The following TP63 variants were observed in gnomAD, a reference collection of about 807,000 sequenced individuals.
The protein encoded by TP63 is tumor protein p63.
A neutral mutation model predicts 82.8 loss-of-function variants in TP63; 17 were observed. The observed-to-expected ratio is 0.21, with a 90% CI of 0.14 to 0.31. TP63 has a LOEUF of 0.31. Among genes scored for constraint, TP63 ranks in the 10% least tolerant of loss-of-function variants. The pLI is 1.00. For missense variants in TP63, 648 were observed against 895.3 expected, an observed-to-expected ratio of 0.72 and a Z score of 3.52; for synonymous variants, 330 against 321.7, an observed-to-expected ratio of 1.03 and a Z score of -0.28.
intron 2 of TP63, 46 bp from the exon 3 acceptor site, chr3:189,738,596 A>T: frequency 6.2e-7 from 1 of 1,613,798 alleles, no homozygotes; most frequent in Non-Finnish European, 8.5e-7. Flanking sequence ...AGTATATTTT[A>T]GTCCCTTTCC....
rs1033879231 is a variant in TP63 at position 189,760,071 on chromosome 3, G to T, written c.324+21297G>T. On this transcript the variant is annotated intron_variant, in intron 3 of 13. Transcript: ENST00000264731. ...CCCTATGATTCAATCCTCTACCACT[G>T]GGTCCCTCCCAAAACACAAGGGAAT... Among the ~76,000 whole-genome samples, 5 of 152,070 alleles carry T rather than the reference G, an allele frequency of 3.3e-5. No individual in the cohort carries two copies. The South Asian group carries it at 8.3e-4, about 25-fold the overall frequency.
chr3:189,600,152 C>T, the TP63 span, among the ~76,000 whole-genome samples: 1 of 152,094 alleles, frequency 6.6e-6, no homozygotes, highest in Non-Finnish European at 1.5e-5. Context: ...ATCACCAACC[C>T]CCAGAAGAGT....
chr3:189,627,617 C>A (rs1729349366), upstream of TP63, among the ~76,000 whole-genome samples: 2 of 152,128 alleles, frequency 1.3e-5, no homozygotes, highest in South Asian at 4.1e-4. Context: ...TCAGACGGTG[C>A]AAATATAGAA....
chr3:189,829,831 A>G (rs1463269681), intron 4 of TP63: 2 of 295,428 alleles, frequency 6.8e-6, no homozygotes, highest in Admixed American at 1.0e-4. Flanking sequence ...TTCAAATATT[A>G]GCCCTTTTAA....
chr3:189,874,367 G>A (rs927046635), intron 10 of TP63, among the ~76,000 whole-genome samples: 3 of 152,078 alleles, frequency 2.0e-5, no homozygotes, highest in African/African-American at 4.8e-5. Flanking sequence ...CCACCGTGCC[G>A]GCCTTGTTAT....
chr3:189,731,883 C>T (rs1720199643), intron 1 of TP63, among the ~76,000 whole-genome samples: 2 of 152,194 alleles, frequency 1.3e-5, no homozygotes, highest in South Asian at 4.1e-4. Flanking sequence ...GTAGGATTTG[C>T]TTCACTCTTC....
intron 3 of TP63, among the ~76,000 whole-genome samples, chr3:189,798,051 G>A (rs1725894559): frequency 6.6e-6 from 1 of 152,042 alleles, no homozygotes; most frequent in African/African-American, 2.4e-5. Context: ...GACCCTGGGA[G>A]GGTAGAGGAT....
At chr3:189,697,233 G>GAATTT (rs1560117520) in intron 1 of TP63, among the ~76,000 whole-genome samples, 1,539 of 142,256 alleles carry the variant, frequency 0.011, 50 homozygotes, top group African/African-American at 0.037. Flanking sequence ...TCTAGGTTCA[G>GAATTT]TTTTTTTTTT....
chr3:189,892,590 A>G (rs1483996892), intron 13 of TP63, among the ~76,000 whole-genome samples: 3 of 152,278 alleles, frequency 2.0e-5, no homozygotes, highest in African/African-American at 7.2e-5. Context: ...CAGGAGACCG[A>G]GACCATCCTG....
rs199686014 is a variant in TP63 at position 189,864,363 on chromosome 3, C to T, written c.711C>T (p.Val237=). 8.1e-6 allele frequency: 13 copies of T among 1,613,980 alleles called. No individual in the cohort carries two copies. The highest frequency in any genetic ancestry group is 1.7e-6 in the Non-Finnish European group (2 of 1,179,996). Residue 237 remains valine (V), a synonymous_variant, in exon 5 of 14, where the codon GTC becomes GTT. Transcript: ENST00000264731. ...CTGTCTACAAAAAAGCTGAGCACGT[C>T]ACGGAGGTGGTGAAGCGGTGCCCCA... is the stretch of plus-strand genomic sequence containing the variant. The part of the protein sequence containing the change: ...AMPVYKKAEH[V]TEVVKRCPNH...
Position 189,660,027 on chromosome 3 carries a change from C to A in TP63, c.62+28450C>A, listed in dbSNP as rs112023503. ...TTTCTGATTACTCTGTTGATAATTC[C>A]TTTTGCTTCACAGAATCTCTTTAGT... On this transcript the variant is annotated intron_variant, in intron 1 of 13. Coordinates refer to ENST00000264731, the MANE Select transcript of TP63 (RefSeq NM_003722.5). Among the ~76,000 whole-genome samples, 489 of 151,954 alleles carry A rather than the reference C, an allele frequency of 3.2e-3. 4 individuals are homozygous for A. The highest frequency in any genetic ancestry group is 0.011 in the African/African-American group (471 of 41,486).
Position 189,737,949 on chromosome 3 carries a change from A to C in TP63, c.191+81A>C. ...TGGTCAAAATATTGCTTACTAGGGC[A>C]TGTTTTTTCTAGAATCAGTAGAAGT... On this transcript the variant is annotated intron_variant, in intron 2 of 13. Transcript: ENST00000264731. 1.9e-6 allele frequency: 3 copies of C among 1,551,932 alleles called. No individual in the cohort carries two copies. The South Asian group carries it at 3.4e-5, about 18-fold the overall frequency.
At chr3:189,608,889 C>T in the TP63 span, among the ~76,000 whole-genome samples, 7 of 152,040 alleles carry the variant, frequency 4.6e-5, no homozygotes, top group African/African-American at 1.4e-4. Context: ...CCCTGCCTCT[C>T]GGTAACATGT....
chr3:189,644,355 A>C (rs1325988024), intron 1 of TP63, among the ~76,000 whole-genome samples: 1 of 151,434 alleles, frequency 6.6e-6, no homozygotes, highest in Non-Finnish European at 1.5e-5. Context: ...GTGAAAATTT[A>C]TTCCCTTCTT....
intron 4 of TP63, among the ~76,000 whole-genome samples, chr3:189,862,320 CATTA>C (rs1320445132): frequency 1.3e-5 from 2 of 152,168 alleles, no homozygotes; most frequent in African/African-American, 4.8e-5. Context: ...TATTATTTAT[CATTA>C]ATTAAGCTTA....
At chr3:189,728,797 G>C (rs1252571609) in intron 1 of TP63, among the ~76,000 whole-genome samples, 1 of 152,084 alleles carries the variant, frequency 6.6e-6, no homozygotes, top group East Asian at 1.9e-4. Context: ...TGAGACTCAC[G>C]CATTTTCAGG....
At chr3:189,777,845 CTTTTTTTTTTTTTTT>C (rs55731981) in intron 3 of TP63, among the ~76,000 whole-genome samples, 1 of 37,752 alleles carries the variant, frequency 2.6e-5, no homozygotes, top group Non-Finnish European at 4.6e-5. Flanking sequence ...TCTTCTTCTT[CTTTTTTTTTTTTTTT>C]TTTTTTTTTT....
chr3:189,696,091 T>G (rs1429802692), intron 1 of TP63, among the ~76,000 whole-genome samples: 1 of 152,160 alleles, frequency 6.6e-6, no homozygotes, highest in Non-Finnish European at 1.5e-5. Flanking sequence ...TCATTACTTG[T>G]GCTATAAAGT....
intron 10 of TP63, chr3:189,879,966 A>C (rs1719722132): frequency 6.7e-7 from 1 of 1,484,628 alleles, no homozygotes; most frequent in African/African-American, 1.4e-5. Flanking sequence ...CTATACTATG[A>C]TCATGAAGGT....
Sources: allele counts gnomAD v4.1 joint callset (sites outside exome capture counted in the v4.1 genomes callset), GRCh38; gene constraint gnomAD v4.1.1; transcripts MANE v1.5; gene names NCBI Gene and HGNC (gene_info 2026-07-23, HGNC 2026-07-21).